Variants in ZIC4 observed in about 807,000 individuals in gnomAD.
The protein encoded by ZIC4 is Zic family zinc finger 4.
A neutral mutation model predicts 28.8 loss-of-function variants in ZIC4; 15 were observed. That is an observed-to-expected ratio of 0.52 (90% CI 0.35 to 0.80). The LOEUF is 0.80. ZIC4 is among the 30% of genes least tolerant of loss of function. ZIC4 has a pLI of 0.01. For missense variants in ZIC4, 512 were observed against 467.1 expected, an observed-to-expected ratio of 1.10 and a Z score of -0.89; for synonymous variants, 220 against 198.1, an observed-to-expected ratio of 1.11 and a Z score of -0.93.
At chr3:147,390,393 T>C (rs1313119377) in intron 4 of ZIC4, among the ~76,000 whole-genome samples, 1 of 135,350 alleles carries the variant, frequency 7.4e-6, no homozygotes, top group Non-Finnish European at 1.6e-5. Flanking sequence ...TTGGAATTAA[T>C]GTGGGGGAGG....
Position 147,388,478 on chromosome 3 carries a change from G to A in ZIC4, c.*381C>T. 7.8e-6 allele frequency: 2 copies of A among 258,056 alleles called. No homozygotes were observed. The highest frequency in any genetic ancestry group is 1.5e-5 in the Non-Finnish European group (2 of 137,874). 16.0% of individuals were successfully genotyped at this position (258,056 alleles called of 1,614,324 possible). A position where few individuals can be genotyped will look rare whatever the true frequency, so the allele number is the denominator to read the frequency against. On this transcript the variant is annotated 3_prime_UTR_variant, in exon 5 of 5. Coordinates refer to ENST00000383075, the MANE Select transcript of ZIC4 (RefSeq NM_032153.6). ...AGGGGGCTGAGCGGCGATTCAAGCG[G>A]CTCTTTTCTTCCTTCACATTATTAT... is the stretch of plus-strand genomic sequence containing the variant.
At position 147,388,978 on chromosome 3, in the gene ZIC4, G is replaced by A. The variant is rs2086850557; in HGVS notation, c.*-119C>T. The A allele has an allele frequency of 4.3e-6, 3 of 690,342 alleles. No individual in the cohort carries two copies. In the Admixed American group the frequency reaches 7.4e-5, roughly 17 times the overall value. 42.8% of individuals were successfully genotyped at this position (690,342 alleles called of 1,614,324 possible). A position where few individuals can be genotyped will look rare whatever the true frequency, so the allele number is the denominator to read the frequency against. On this transcript the variant is annotated intron_variant, in intron 4 of 4. Transcript: ENST00000383075. Reference sequence around the variant, plus strand: ...GGGGAGCTTAGAAACAGAAGACAAAGAAAAAAGTCCTACTTCAGGAAGGGG... The same window carrying A: ...GGGGAGCTTAGAAACAGAAGACAAAAAAAAAAGTCCTACTTCAGGAAGGGG...
rs1231770544 is a variant in ZIC4 at position 147,388,075 on chromosome 3, A to T, written c.*784T>A. On this transcript the variant is annotated 3_prime_UTR_variant, in exon 5 of 5. Transcript: ENST00000383075. Reference sequence around the variant, plus strand: ...TGTCCCCTGCGCCAAAGCCTCCCACATCAGGGTGCAGAGTGAACCCCTAAA... The same window carrying T: ...TGTCCCCTGCGCCAAAGCCTCCCACTTCAGGGTGCAGAGTGAACCCCTAAA... 6.6e-6 allele frequency: 1 copy of T among 152,634 alleles called. No homozygotes were observed. Among genetic ancestry groups the T allele is most frequent in the Non-Finnish European group, 1.5e-5 (1 of 68,084 alleles). 9.5% of individuals were successfully genotyped at this position (152,634 alleles called of 1,614,324 possible).
At chr3:147,394,315 A>G (rs2086992243) in intron 3 of ZIC4, among the ~76,000 whole-genome samples, 1 of 150,866 alleles carries the variant, frequency 6.6e-6, no homozygotes, top group African/African-American at 2.4e-5. Context: ...AGAACGCACA[A>G]AATTCTGTCC....
At chr3:147,390,725 C>T (rs1044010997) in intron 4 of ZIC4, among the ~76,000 whole-genome samples, 4 of 152,196 alleles carry the variant, frequency 2.6e-5, no homozygotes, top group African/African-American at 9.7e-5. Context: ...TACAGGTGGC[C>T]GGCCGGCCTT....
In ZIC4 at chr3:147,402,588, T is replaced by A. The variant is rs2087188858; in HGVS notation, c.70+140A>T. ...AACACTAAGGAGTTCTAAGTTTCAT[T>A]TGAACTCAAGAAACTCCCCCCAAAC... On this transcript the variant is annotated intron_variant, in intron 2 of 4. Coordinates refer to ENST00000383075, the MANE Select transcript of ZIC4 (RefSeq NM_032153.6). The A allele has an allele frequency of 4.5e-6, 3 of 672,652 alleles. No individual in the cohort carries two copies. The Admixed American group carries it at 9.1e-5, about 20-fold the overall frequency. The allele number at this position is 672,652 out of a possible 1,614,324, so 41.7% of individuals were successfully genotyped here.
chr3:147,397,687 C>A (rs534993615), intron 2 of ZIC4, among the ~76,000 whole-genome samples: 1 of 152,238 alleles, frequency 6.6e-6, no homozygotes, highest in African/African-American at 2.4e-5. Flanking sequence ...GTCCCTGCAG[C>A]CTGCAAGAGG....
At chr3:147,404,375 C>A in intron 1 of ZIC4, 1 of 1,040,108 alleles carries the variant, frequency 9.6e-7, no homozygotes, top group Non-Finnish European at 1.2e-6. Context: ...CAACAGGGAC[C>A]TTAGGAGGCT....
At position 147,386,575 on chromosome 3, in the gene ZIC4, G is replaced by C. The variant is rs1410497241; in HGVS notation, c.*2284C>G. On this transcript the variant is annotated 3_prime_UTR_variant, in exon 5 of 5. Transcript: ENST00000383075. ...ACAAGCCATTTATTCAGCACACACA[G>C]AGTAGGGGGACCAGCACATCCTTAT... 6.6e-6 allele frequency: 1 copy of C among 152,620 alleles called. No individual in the cohort carries two copies. 9.5% of individuals were successfully genotyped at this position (152,620 alleles called of 1,614,324 possible).
intron 1 of ZIC4, chr3:147,405,344 A>T: frequency 6.6e-7 from 1 of 1,524,622 alleles, no homozygotes; most frequent in South Asian, 1.2e-5. Context: ...TGCGAGGACA[A>T]TACTGTCGGA....
At chr3:147,392,005 A>C in intron 3 of ZIC4, 1 of 985,420 alleles carries the variant, frequency 1.0e-6, no homozygotes, top group Non-Finnish European at 1.2e-6. Flanking sequence ...TACGCTCGCC[A>C]GTAATAATAT....
At chr3:147,391,964 T>G in intron 3 of ZIC4, 1 of 985,452 alleles carries the variant, frequency 1.0e-6, no homozygotes, top group Non-Finnish European at 1.2e-6. Flanking sequence ...ATTCTTCAAA[T>G]CTTGCCTAAA....
chr3:147,391,398 T>C (rs1414585047), intron 3 of ZIC4, 152 bp from the exon 4 acceptor site: 9 of 1,029,606 alleles, frequency 8.7e-6, no homozygotes, highest in Non-Finnish European at 1.2e-5. Flanking sequence ...CGAGCACCCC[T>C]TTCCCTCGTG....
At chr3:147,399,768 C>T (rs1398777078) in intron 2 of ZIC4, among the ~76,000 whole-genome samples, 3 of 151,268 alleles carry the variant, frequency 2.0e-5, no homozygotes, top group African/African-American at 7.3e-5. Flanking sequence ...CTGGTTCAAG[C>T]GATTCTTCCA....
rs914038094 is a variant in ZIC4 at position 147,388,807 on chromosome 3, G to C, written c.*52C>G. The C allele has an allele frequency of 1.2e-5, 9 of 770,804 alleles. No individual in the cohort carries two copies. Among genetic ancestry groups the C allele is most frequent in the East Asian group, 2.4e-5 (1 of 41,114 alleles). The allele number at this position is 770,804 out of a possible 1,614,324, so 47.7% of individuals were successfully genotyped here. ...CTTTGATGTAGCAGGCGCGAGATGC[G>C]GGGCGCTCAGCTGCGCGGAGCGAGA... On this transcript the variant is annotated 3_prime_UTR_variant, in exon 5 of 5. Transcript: ENST00000383075.
At position 147,396,797 on chromosome 3, in the gene ZIC4, G is replaced by A. The variant is rs2087058844; in HGVS notation, c.71-328C>T. Reference sequence around the variant, plus strand: ...TGGGGGTTCTGCTCCAGAGGGGTAGGAGCTGAGCCCCAAGCGCACTTTGGC... The same window carrying A: ...TGGGGGTTCTGCTCCAGAGGGGTAGAAGCTGAGCCCCAAGCGCACTTTGGC... On this transcript the variant is annotated intron_variant, in intron 2 of 4. Transcript: ENST00000383075. This position sits in a 1 kb window ranked among gnomAD's most constrained non-coding sequence, Gnocchi z 4.2. 7.7e-6 allele frequency: 2 copies of A among 260,734 alleles called. No individual in the cohort carries two copies. Among genetic ancestry groups the A allele is most frequent in the East Asian group, 1.4e-4 (2 of 14,314 alleles). 16.2% of individuals were successfully genotyped at this position (260,734 alleles called of 1,614,324 possible).
intron 1 of ZIC4, chr3:147,405,721 T>A: frequency 1.8e-6 from 1 of 552,700 alleles, no homozygotes; most frequent in Non-Finnish European, 3.2e-6. Flanking sequence ...GTCAGCTTCC[T>A]GAGGCAGGAC....
rs1641851750 is a variant in ZIC4, at chr3:147,388,948, A to C, written c.*-89T>G. The C allele has an allele frequency of 9.4e-5, 71 of 751,504 alleles. 1 individual carries two copies. Among genetic ancestry groups the C allele is most frequent in the South Asian group, 9.3e-4 (65 of 69,588 alleles). The allele number at this position is 751,504 out of a possible 1,614,324, so 46.6% of individuals were successfully genotyped here. ...ATTATTTTAGATTGAGATAGAAAGC[A>C]AAATGGGGAGCTTAGAAACAGAAGA... On this transcript the variant is annotated intron_variant, in intron 4 of 4. Transcript: ENST00000383075.
rs2062514950 is a variant in ZIC4 at position 147,388,503 on chromosome 3, T to C, written c.*356A>G. 3.2e-6 allele frequency: 1 copy of C among 313,710 alleles called. No homozygotes were observed. The highest frequency in any genetic ancestry group is 2.1e-5 in the African/African-American group (1 of 46,740). 19.4% of individuals were successfully genotyped at this position (313,710 alleles called of 1,614,324 possible). A position where few individuals can be genotyped will look rare whatever the true frequency, so the allele number is the denominator to read the frequency against. On this transcript the variant is annotated 3_prime_UTR_variant, in exon 5 of 5. Transcript: ENST00000383075. Reference sequence around the variant, plus strand: ...GCTCTTTTCTTCCTTCACATTATTATCCATTTTTATTATGATCGGGTACAA... The same window carrying C: ...GCTCTTTTCTTCCTTCACATTATTACCCATTTTTATTATGATCGGGTACAA...
Sources: allele counts gnomAD v4.1 joint callset (sites outside exome capture counted in the v4.1 genomes callset), GRCh38; gene constraint gnomAD v4.1.1; non-coding constraint Gnocchi (gnomAD v3.1); transcripts MANE v1.5; gene names NCBI Gene and HGNC (gene_info 2026-07-23, HGNC 2026-07-21).